The following ARHGAP18 variants were observed in gnomAD, a reference collection of about 807,000 sequenced individuals.
ARHGAP18 encodes rho GTPase-activating protein 18.
ARHGAP18 carries 67 observed loss-of-function variants against 86.2 expected under a neutral mutation model. The ratio of observed to expected loss-of-function variants is 0.78; its 90% CI spans 0.64 to 0.95. The LOEUF is 0.95. ARHGAP18 is among the 40% of genes least tolerant of loss of function. The pLI, the probability that ARHGAP18 is intolerant of heterozygous loss-of-function variation, is 0.00. For missense variants in ARHGAP18, 691 were observed against 780.4 expected (o/e 0.89, Z 1.37); for synonymous variants, 283 against 280.4 (o/e 1.01, Z -0.09).
chr6:129,584,876 T>C (rs1364867745), intron 12 of ARHGAP18, among the ~76,000 whole-genome samples: 1 of 152,234 alleles, frequency 6.6e-6, no homozygotes, highest in African/African-American at 2.4e-5. Context: ...GATAATGCTT[T>C]AAATAATACA....
intron 5 of ARHGAP18, among the ~76,000 whole-genome samples, chr6:129,625,852 TTATATTTATATATTATATATTA>T (rs1562698430): frequency 1.4e-3 from 93 of 64,992 alleles, no homozygotes; most frequent in African/African-American, 3.8e-3. Flanking sequence ...ATATTATATA[TTATATTTATATATTATATATTA>T]TATATTTATA....
At chr6:129,619,846 G>A (rs921187681) in intron 5 of ARHGAP18, among the ~76,000 whole-genome samples, 3 of 151,902 alleles carry the variant, frequency 2.0e-5, no homozygotes, top group Non-Finnish European at 2.9e-5. Context: ...CAGGGGAAAC[G>A]AAGAGCATGG....
intron 1 of ARHGAP18, among the ~76,000 whole-genome samples, chr6:129,705,457 C>T (rs1347833095): frequency 6.6e-6 from 1 of 152,126 alleles, no homozygotes; most frequent in African/African-American, 2.4e-5. Context: ...CCAAGAAAGG[C>T]CTGGTATAGG....
At chr6:129,663,171 G>A (rs1773984908) in intron 1 of ARHGAP18, among the ~76,000 whole-genome samples, 1 of 152,190 alleles carries the variant, frequency 6.6e-6, no homozygotes, top group Non-Finnish European at 1.5e-5. Context: ...TCTGTCCCCA[G>A]CAAGGGTAAC....
intron 1 of ARHGAP18, among the ~76,000 whole-genome samples, chr6:129,681,218 C>T (rs1229248086): frequency 6.6e-6 from 1 of 152,172 alleles, no homozygotes; most frequent in Non-Finnish European, 1.5e-5. Flanking sequence ...GCTGGGACTA[C>T]AGGCACGCAC....
chr6:129,695,657 C>G (rs1181666286), intron 1 of ARHGAP18, among the ~76,000 whole-genome samples: 1 of 152,112 alleles, frequency 6.6e-6, no homozygotes, highest in Non-Finnish European at 1.5e-5. Flanking sequence ...CTAAATTACA[C>G]TAAAATCTTA....
rs576204841 is a variant in ARHGAP18 at position 129,635,083 on chromosome 6, G to A, written c.553-978C>T. On this transcript the variant is annotated intron_variant, in intron 3 of 14. Transcript: ENST00000368149. ...GCTCAGCAGTAAATGTGGCCAGAGAGTACTTCCTCCTTTCCAGGTAAGGCT... is the reference window on the plus strand; with the variant it reads ...GCTCAGCAGTAAATGTGGCCAGAGAATACTTCCTCCTTTCCAGGTAAGGCT... Among the ~76,000 whole-genome samples the A allele has an allele frequency of 3.9e-5, 6 of 152,304 alleles. No individual in the cohort carries two copies. In the East Asian group the frequency reaches 7.7e-4, roughly 20 times the overall value.
intron 5 of ARHGAP18, among the ~76,000 whole-genome samples, chr6:129,627,872 G>A (rs1020911489): frequency 6.6e-6 from 1 of 152,020 alleles, no homozygotes; most frequent in Non-Finnish European, 1.5e-5. Context: ...TAGCATTTTT[G>A]GTACAATAAT....
At chr6:129,611,954 A>G (rs1252912916) in intron 7 of ARHGAP18, among the ~76,000 whole-genome samples, 2 of 152,252 alleles carry the variant, frequency 1.3e-5, no homozygotes, top group African/African-American at 4.8e-5. Context: ...ACATTCTGCA[A>G]TCAAATAAAT....
chr6:129,664,131 C>A (rs753158742), intron 1 of ARHGAP18, among the ~76,000 whole-genome samples: 1 of 152,126 alleles, frequency 6.6e-6, no homozygotes, highest in African/African-American at 2.4e-5. Flanking sequence ...TGCTTTACTG[C>A]GTTAATATTA....
intron 11 of ARHGAP18, 65 bp downstream of exon 11, chr6:129,600,577 G>T: frequency 3.0e-6 from 4 of 1,322,998 alleles, no homozygotes; most frequent in South Asian, 2.8e-5. Context: ...AATTAATAAA[G>T]CTAATAACAA....
chr6:129,629,716 G>C (rs1015207667), intron 4 of ARHGAP18, among the ~76,000 whole-genome samples, 194 bp from the exon 5 acceptor site: 8 of 152,178 alleles, frequency 5.3e-5, no homozygotes, highest in African/African-American at 1.9e-4. Context: ...CAGGGAGACT[G>C]TGGTGACTAG....
At chr6:129,674,042 C>T (rs1162742962) in intron 1 of ARHGAP18, among the ~76,000 whole-genome samples, 1 of 152,140 alleles carries the variant, frequency 6.6e-6, no homozygotes, top group African/African-American at 2.4e-5. Context: ...CTCTACCTCT[C>T]CCCATCACTA....
At chr6:129,598,941 GGTGT>G (rs71028166) in intron 12 of ARHGAP18, 82 of 212,220 alleles carry the variant, frequency 3.9e-4, no homozygotes, top group Middle Eastern at 2.8e-3. Context: ...GGGGTGTAGG[GGTGT>G]GTGTGTGTGT....
chr6:129,661,390 GGAT>G (rs1316608295), intron 1 of ARHGAP18, among the ~76,000 whole-genome samples: 6 of 151,068 alleles, frequency 4.0e-5, no homozygotes, highest in African/African-American at 9.7e-5. Flanking sequence ...TTAATATATG[GGAT>G]GATGAATATA....
At chr6:129,707,208 G>A (rs867088632) in intron 1 of ARHGAP18, among the ~76,000 whole-genome samples, 2 of 151,166 alleles carry the variant, frequency 1.3e-5, no homozygotes, top group Admixed American at 1.3e-4. Flanking sequence ...GCTCCAGCCT[G>A]AGCAACAAGA....
intron 6 of ARHGAP18, 71 bp from the exon 7 acceptor site, chr6:129,616,374 A>T: frequency 8.1e-7 from 1 of 1,240,508 alleles, no homozygotes; most frequent in Non-Finnish European, 1.1e-6. Context: ...ATGTTAAAGC[A>T]TAAGATTTCT....
intron 1 of ARHGAP18, among the ~76,000 whole-genome samples, chr6:129,699,681 T>C (rs929400861): frequency 2.6e-5 from 4 of 152,152 alleles, no homozygotes; most frequent in African/African-American, 9.7e-5. Context: ...CTAGGAAAAA[T>C]GGCTTCTGCA....
intron 1 of ARHGAP18, among the ~76,000 whole-genome samples, chr6:129,702,044 C>A (rs1774719452): frequency 1.3e-5 from 2 of 152,172 alleles, no homozygotes; most frequent in Non-Finnish European, 2.9e-5. Context: ...CTGTAACAAA[C>A]CTCATTTCCC....
Sources: gnomAD v4.1 joint callset for allele counts (sites outside exome capture counted in the v4.1 genomes callset) on GRCh38, gnomAD v4.1.1 for gene constraint, MANE v1.5 for transcripts, NCBI Gene and HGNC (gene_info 2026-07-23, HGNC 2026-07-21) for gene names.